Variants in FAT3 observed in about 807,000 individuals in gnomAD.
FAT3 encodes protocadherin Fat 3.
Under a neutral mutation model 310.2 loss-of-function variants are expected in FAT3, and 95 were observed. The ratio of observed to expected loss-of-function variants is 0.31; its 90% CI spans 0.26 to 0.36. The LOEUF (loss-of-function observed/expected upper bound fraction) is 0.36. Among genes scored for constraint, FAT3 ranks in the 10% least tolerant of loss-of-function variants. FAT3 has a pLI of 1.00. For missense variants in FAT3, 5,408 were observed against 5,715.6 expected (o/e 0.95, Z 1.74); for synonymous variants, 2,314 against 2,192.9 (o/e 1.06, Z -1.54).
intron 2 of FAT3, among the ~76,000 whole-genome samples, chr11:92,368,619 T>G (rs1172589202): frequency 6.6e-6 from 1 of 152,050 alleles, no homozygotes; most frequent in Non-Finnish European, 1.5e-5. Flanking sequence ...TTCCACAGAG[T>G]AGCTTCTGGC....
chr11:92,281,296 T>C (rs1946414529), intron 1 of FAT3, among the ~76,000 whole-genome samples: 1 of 152,222 alleles, frequency 6.6e-6, no homozygotes, highest in Admixed American at 6.5e-5. Flanking sequence ...ATAGAAGCTC[T>C]TTAGATGATA....
intron 2 of FAT3, among the ~76,000 whole-genome samples, chr11:92,404,749 A>G (rs1950099637): frequency 6.6e-6 from 1 of 151,988 alleles, no homozygotes; most frequent in South Asian, 2.1e-4. Flanking sequence ...TAGACTCAGT[A>G]AAGAATGCCC....
intron 4 of FAT3, among the ~76,000 whole-genome samples, chr11:92,725,924 A>G (rs1443530265): frequency 6.6e-6 from 1 of 151,922 alleles, no homozygotes; most frequent in South Asian, 2.1e-4. Context: ...ATTTTTTTTT[A>G]GTTTTTAAAA....
chr11:92,390,214 T>A (rs1027498626), intron 2 of FAT3, among the ~76,000 whole-genome samples: 1 of 152,160 alleles, frequency 6.6e-6, no homozygotes. Context: ...AAGGAAGATC[T>A]AAAAGCTTTC....
intron 2 of FAT3, among the ~76,000 whole-genome samples, chr11:92,490,618 A>C (rs937004667): frequency 4.6e-5 from 7 of 152,082 alleles, no homozygotes; most frequent in African/African-American, 1.4e-4. Context: ...TTCTAATTCA[A>C]ATCATCCTCC....
At chr11:92,848,371 G>A (rs1048553823) in intron 19 of FAT3, among the ~76,000 whole-genome samples, 1 of 152,114 alleles carries the variant, frequency 6.6e-6, no homozygotes, top group African/African-American at 2.4e-5. Flanking sequence ...CTTCAGAGGT[G>A]CAATGAACAT....
intron 3 of FAT3, among the ~76,000 whole-genome samples, chr11:92,593,660 C>G (rs1471574594): frequency 1.3e-5 from 2 of 152,112 alleles, no homozygotes; most frequent in Admixed American, 6.6e-5. Flanking sequence ...TAACATAAAT[C>G]TAAGAGTCTG....
intron 1 of FAT3, among the ~76,000 whole-genome samples, chr11:92,245,378 A>T (rs1345114263): frequency 6.6e-6 from 1 of 152,082 alleles, no homozygotes; most frequent in East Asian, 1.9e-4. Flanking sequence ...CATTAGGAGA[A>T]ATACCTAATG....
In FAT3 at chr11:92,801,940, G is replaced by A. The variant is rs771408378; in HGVS notation, c.8896+31G>A. 6.3e-6 allele frequency: 10 copies of A among 1,577,244 alleles called. No homozygotes were observed. The Admixed American group carries it at 1.7e-4, about 27-fold the overall frequency. ...TAAATACCCCCAGTTTTCATTATGT[G>A]CACTGCTTTATAAAGAAAGATGGAA... On this transcript the variant is annotated intron_variant, in intron 10 of 27. Transcript: ENST00000525166.
chr11:92,494,151 C>T (rs1316201226), intron 2 of FAT3, among the ~76,000 whole-genome samples: 3 of 151,000 alleles, frequency 2.0e-5, no homozygotes, highest in Non-Finnish European at 3.0e-5. Context: ...ATATTTTAAA[C>T]CATTAGATCT....
intron 4 of FAT3, among the ~76,000 whole-genome samples, chr11:92,758,636 C>T (rs559299642): frequency 1.0e-3 from 157 of 152,272 alleles, no homozygotes; most frequent in African/African-American, 3.6e-3. Context: ...CGCAAATCAG[C>T]GACATGATCA....
chr11:92,875,765 C>T (rs1358288617), intron 22 of FAT3, among the ~76,000 whole-genome samples: 1 of 152,210 alleles, frequency 6.6e-6, no homozygotes, highest in Admixed American at 6.5e-5. Flanking sequence ...GGCACTCAGT[C>T]GATGTGGATA....
At chr11:92,812,020 G>A (rs1400225239) in intron 13 of FAT3, among the ~76,000 whole-genome samples, 1 of 152,174 alleles carries the variant, frequency 6.6e-6, no homozygotes, top group Non-Finnish European at 1.5e-5. Context: ...AGAGTAGACA[G>A]GAGATTCCAG....
intron 4 of FAT3, among the ~76,000 whole-genome samples, chr11:92,710,960 CAATT>C (rs1338611913): frequency 2.0e-5 from 3 of 152,096 alleles, no homozygotes; most frequent in Admixed American, 6.5e-5. Flanking sequence ...TTTAAAAATA[CAATT>C]ATTTCCGATT....
intron 3 of FAT3, among the ~76,000 whole-genome samples, chr11:92,623,392 A>G (rs776584787): frequency 1.2e-4 from 19 of 152,318 alleles, no homozygotes; most frequent in Non-Finnish European, 2.5e-4. Context: ...TACTCATACT[A>G]TCTATATGCT....
intron 4 of FAT3, among the ~76,000 whole-genome samples, chr11:92,750,634 T>TTCTCTC (rs10558123): frequency 6.7e-6 from 1 of 149,554 alleles, no homozygotes; most frequent in Non-Finnish European, 1.5e-5. Context: ...GATTTGGCTG[T>TTCTCTC]TCTCTCTCTC....
intron 3 of FAT3, among the ~76,000 whole-genome samples, chr11:92,675,766 G>A (rs888632877): frequency 3.3e-5 from 5 of 152,098 alleles, no homozygotes; most frequent in African/African-American, 1.2e-4. Context: ...CATATTCTCC[G>A]CTAAGAACCA....
chr11:92,301,984 G>T (rs934383162), intron 1 of FAT3, among the ~76,000 whole-genome samples: 1 of 152,140 alleles, frequency 6.6e-6, no homozygotes, highest in Middle Eastern at 3.4e-3. Flanking sequence ...CAAGGAAGGG[G>T]TTAACTGCTG....
intron 3 of FAT3, among the ~76,000 whole-genome samples, chr11:92,632,583 C>A (rs1005217062): frequency 5.9e-5 from 9 of 152,186 alleles, no homozygotes; most frequent in Non-Finnish European, 5.9e-5. Flanking sequence ...GAAGGTGAGG[C>A]CTCCTTGGGG....
Sources: allele counts gnomAD v4.1 joint callset (sites outside exome capture counted in the v4.1 genomes callset), GRCh38; gene constraint gnomAD v4.1.1; transcripts MANE v1.5; gene names NCBI Gene and HGNC (gene_info 2026-07-23, HGNC 2026-07-21).